Variants in MGAT4C observed in about 807,000 individuals in gnomAD.
MGAT4C encodes alpha-1,3-mannosyl-glycoprotein 4-beta-N-acetylglucosaminyltransferase C.
MGAT4C carries 19 observed loss-of-function variants against 40.1 expected under a neutral mutation model. The observed-to-expected ratio is 0.47, with a 90% CI of 0.33 to 0.70. The LOEUF is 0.70. MGAT4C is among the 30% of genes least tolerant of loss of function. The pLI, the probability that MGAT4C is intolerant of heterozygous loss-of-function variation, is 0.02. For synonymous variants in MGAT4C, 181 were observed against 187.1 expected (o/e 0.97, Z 0.27); for missense variants, 491 against 563.2 (o/e 0.87, Z 1.30).
intron 1 of MGAT4C, among the ~76,000 whole-genome samples, chr12:86,145,419 CA>C (rs1182530041): frequency 6.6e-6 from 1 of 152,072 alleles, no homozygotes; most frequent in East Asian, 1.9e-4. Flanking sequence ...GGGTTGTGCA[CA>C]AAACTAAGCA....
At chr12:86,574,826 CATTAA>C (rs979775396) in intron 2 of MGAT4C, among the ~76,000 whole-genome samples, 2 of 151,640 alleles carry the variant, frequency 1.3e-5, no homozygotes, top group African/African-American at 2.4e-5. Flanking sequence ...TGAATTTGAG[CATTAA>C]ATTAATTAGA....
At chr12:86,229,985 A>G (rs1218621626) in intron 1 of MGAT4C, among the ~76,000 whole-genome samples, 1 of 152,102 alleles carries the variant, frequency 6.6e-6, no homozygotes, top group East Asian at 1.9e-4. Flanking sequence ...GCAAATTCCC[A>G]TGGAAAGAGA....
chr12:86,038,020 G>C lies in MGAT4C; in HGVS notation c.-7+11654C>G, dbSNP rs528449878. On this transcript the variant is annotated intron_variant, in intron 2 of 4. Transcript: ENST00000611864. ...GAAATGACAGTTTGAGAGAGAATGT[G>C]GGTCCAGGGGGCCAATGCTACTATG... Among the ~76,000 whole-genome samples the C allele has an allele frequency of 2.9e-4, 44 of 149,640 alleles. 2 individuals carry two copies. The highest frequency in any genetic ancestry group is 2.8e-3 in the South Asian group (13 of 4,718).
intron 1 of MGAT4C, among the ~76,000 whole-genome samples, chr12:86,834,612 CCACACA>C (rs148269576): frequency 6.7e-6 from 1 of 148,196 alleles, no homozygotes; most frequent in Non-Finnish European, 1.5e-5. Context: ...CCCCCAACCA[CCACACA>C]CACACACACA....
intron 1 of MGAT4C, among the ~76,000 whole-genome samples, chr12:86,130,799 C>A (rs148838093): frequency 0.019 from 2,933 of 151,914 alleles, 43 homozygotes; most frequent in Middle Eastern, 0.037. Context: ...ATATTCCTCA[C>A]CTGAATTAAA....
chr12:85,985,248 T>C (rs1200952805), intron 3 of MGAT4C, among the ~76,000 whole-genome samples: 2 of 152,222 alleles, frequency 1.3e-5, no homozygotes, highest in Non-Finnish European at 2.9e-5. Context: ...AAAGCTCAGA[T>C]ACAAGTTTTA....
At chr12:86,668,467 T>A (rs1287973308) in intron 2 of MGAT4C, among the ~76,000 whole-genome samples, 1 of 151,994 alleles carries the variant, frequency 6.6e-6, no homozygotes, top group Non-Finnish European at 1.5e-5. Flanking sequence ...GAAGGTAACT[T>A]GGGAGAGGGA....
chr12:86,155,494 C>T (rs1428968047), intron 1 of MGAT4C, among the ~76,000 whole-genome samples: 1 of 152,024 alleles, frequency 6.6e-6, no homozygotes, highest in Non-Finnish European at 1.5e-5. Context: ...TTATGGTAGT[C>T]TGTGGGTTTA....
intron 1 of MGAT4C, among the ~76,000 whole-genome samples, chr12:86,771,688 GTGT>G (rs1565979484): frequency 3.9e-4 from 2 of 5,096 alleles, no homozygotes; most frequent in East Asian, 0.12. Context: ...AAATATATAT[GTGT>G]GTGTGTGTGT....
At chr12:86,252,450 C>T (rs1243261618) in intron 1 of MGAT4C, among the ~76,000 whole-genome samples, 1 of 151,980 alleles carries the variant, frequency 6.6e-6, no homozygotes, top group African/African-American at 2.4e-5. Flanking sequence ...TTATCTTCAA[C>T]TGATAGGTTC....
At position 86,683,862 on chromosome 12, in the gene MGAT4C, T is replaced by G. The variant is rs1465561749; in HGVS notation, c.-229+43347A>C. Among the ~76,000 whole-genome samples the G allele has an allele frequency of 6.6e-5, 10 of 152,316 alleles. No individual in the cohort carries two copies. In the East Asian group the frequency reaches 1.9e-3, roughly 29 times the overall value. On this transcript the variant is annotated intron_variant, in intron 2 of 7. Coordinates refer to the MGAT4C transcript ENST00000548651. The stretch of plus-strand genomic sequence containing the variant: ...ACTCATATGCTGCCTTCCTTCTTGT[T>G]GCAGCTGATGAGCTGTCTGCTGTCT...
chr12:86,174,124 TACACACACACACACACACACACACACAC>T (rs71445051), intron 1 of MGAT4C, among the ~76,000 whole-genome samples: 1 of 143,810 alleles, frequency 7.0e-6, no homozygotes, highest in Non-Finnish European at 1.5e-5. Context: ...CACACACACA[TACACACACACACACACACACACACACAC>T]ACACACAGAA....
At chr12:85,986,566 A>G (rs997281559) in intron 3 of MGAT4C, among the ~76,000 whole-genome samples, 3 of 152,202 alleles carry the variant, frequency 2.0e-5, no homozygotes, top group African/African-American at 7.2e-5. Flanking sequence ...ATTTTCTAAC[A>G]AAAAGACGAG....
intron 2 of MGAT4C, among the ~76,000 whole-genome samples, chr12:86,473,813 T>C (rs1256094788): frequency 2.6e-5 from 4 of 152,290 alleles, no homozygotes; most frequent in Admixed American, 2.0e-4. Flanking sequence ...TAATAAGTAA[T>C]TGCAAGTGGG....
In MGAT4C at chr12:86,215,877, G is replaced by T. The variant is rs184713893; in HGVS notation, c.-57+40362C>A. Among the ~76,000 whole-genome samples the T allele has an allele frequency of 1.7e-4, 26 of 151,902 alleles. No individual in the cohort carries two copies. The East Asian group carries it at 4.9e-3, about 28-fold the overall frequency. ...GCTCCTTGTTATCTTGCAGTAACTG[G>T]GGTCAAGGGTGAGTTCTCCCTCAGA... On this transcript the variant is annotated intron_variant, in intron 1 of 4. Transcript: ENST00000611864.
intron 1 of MGAT4C, among the ~76,000 whole-genome samples, chr12:86,834,796 T>C (rs2136239767): frequency 6.6e-6 from 1 of 151,870 alleles, no homozygotes; most frequent in Non-Finnish European, 1.5e-5. Context: ...TGTAGGCGGG[T>C]TGTAGGTTTA....
At chr12:86,667,052 C>A (rs1964127788) in intron 2 of MGAT4C, among the ~76,000 whole-genome samples, 1 of 152,202 alleles carries the variant, frequency 6.6e-6, no homozygotes, top group Non-Finnish European at 1.5e-5. Context: ...CTCTATACCA[C>A]TGCTGCTGCC....
At chr12:86,809,145 A>G (rs1423010272) in intron 1 of MGAT4C, among the ~76,000 whole-genome samples, 4 of 152,114 alleles carry the variant, frequency 2.6e-5, no homozygotes, top group African/African-American at 7.2e-5. Flanking sequence ...ACACAAAGAA[A>G]TGGAAATTCA....
chr12:86,287,871 G>A (rs1274013424), intron 4 of MGAT4C, among the ~76,000 whole-genome samples: 1 of 152,160 alleles, frequency 6.6e-6, no homozygotes, highest in African/African-American at 2.4e-5. Flanking sequence ...ACCCAGTAAT[G>A]GGATTGCTGA....
Sources: allele counts gnomAD v4.1 joint callset (sites outside exome capture counted in the v4.1 genomes callset), GRCh38; gene constraint gnomAD v4.1.1; transcripts MANE v1.5; gene names NCBI Gene and HGNC (gene_info 2026-07-23, HGNC 2026-07-21).